Variants in TRIM5 observed in about 807,000 individuals in gnomAD.
The protein encoded by TRIM5 is tripartite motif containing 5.
A neutral mutation model predicts 35.6 loss-of-function variants in TRIM5; 31 were observed. The observed-to-expected ratio is 0.87, with a 90% CI of 0.65 to 1.18. TRIM5 has a LOEUF of 1.18. Among genes scored for constraint, TRIM5 ranks in the 50% most tolerant of loss-of-function variants. TRIM5 has a pLI of 0.00. For missense variants in TRIM5, 609 were observed against 591.6 expected (o/e 1.03, Z -0.31); for synonymous variants, 243 against 215.6 (o/e 1.13, Z -1.11).
the TRIM5 span, chr11:5,605,445 A>T: frequency 4.3e-5 from 70 of 1,614,018 alleles, no homozygotes; most frequent in Non-Finnish European, 5.3e-5. Context: ...ACAGGAAGAG[A>T]AGAAGGGGCT....
intron 2 of TRIM5, 56 bp downstream of exon 2, chr11:5,679,705 A>T: frequency 4.6e-6 from 7 of 1,508,242 alleles, no homozygotes; most frequent in Non-Finnish European, 6.2e-6. Context: ...GCAAAGTGAA[A>T]ATTTTCCATC....
In TRIM5 at chr11:5,665,363, A is replaced by G. The variant is rs757193703; in HGVS notation, c.928T>C (p.Cys310Arg). The G allele has an allele frequency of 1.2e-6, 2 of 1,612,818 alleles. No individual in the cohort carries two copies. Among genetic ancestry groups the G allele is most frequent in the South Asian group, 1.1e-5 (1 of 90,792 alleles). The change falls in exon 8 of 8, where the codon TGT (cysteine) becomes CGT (arginine). Residue 310 changes from cysteine (C) to arginine (R), a missense_variant. Cys to Arg is a radical substitution (Grantham distance 180, BLOSUM62 -3). Coordinates refer to ENST00000380034, the MANE Select transcript of TRIM5 (RefSeq NM_033034.3). ...CTCTTATCTTCAGAAATGACAGCAC[A>G]TGAAATGTTGTTTGGAGCCACTGTC... Reference protein sequence around the residue: ...DVTVAPNNISCAVISEDKRQV... With the variant: ...DVTVAPNNISRAVISEDKRQV...
intron 1 of TRIM5, among the ~76,000 whole-genome samples, chr11:5,682,203 A>C (rs1369611981): frequency 6.6e-6 from 1 of 152,172 alleles, no homozygotes; most frequent in Non-Finnish European, 1.5e-5. Flanking sequence ...TGGGAGTTCA[A>C]GACCAGCCTG....
the TRIM5 span, among the ~76,000 whole-genome samples, chr11:5,599,280 C>A: frequency 6.6e-6 from 1 of 152,184 alleles, no homozygotes; most frequent in East Asian, 1.9e-4. Flanking sequence ...GAATTGGGTA[C>A]GCTAAATACA....
chr11:5,652,093 G>A, the TRIM5 span, among the ~76,000 whole-genome samples: 2 of 152,144 alleles, frequency 1.3e-5, no homozygotes, highest in African/African-American at 4.8e-5. Flanking sequence ...CATTTTGTAG[G>A]TTGTGTATTT....
intron 1 of TRIM5, among the ~76,000 whole-genome samples, chr11:5,683,514 CTT>C (rs999786285): frequency 6.6e-6 from 1 of 151,728 alleles, no homozygotes; most frequent in Non-Finnish European, 1.5e-5. Context: ...CTTGGAGAAA[CTT>C]TATGTCTAGC....
the TRIM5 span, among the ~76,000 whole-genome samples, chr11:5,656,787 C>T: frequency 2.6e-5 from 4 of 152,046 alleles, no homozygotes; most frequent in Middle Eastern, 3.2e-3. Flanking sequence ...GTTAGAATGG[C>T]GATCATTAAA....
chr11:5,678,270 C>G lies in TRIM5; in HGVS notation c.678G>C (p.Gln226His). Residue 226 changes from glutamine to histidine, a missense_variant, in exon 4 of 8, where the codon CAG (glutamine) becomes CAC (histidine). By Grantham distance (24) the Gln-to-His change is conservative. Coordinates refer to ENST00000380034, the MANE Select transcript of TRIM5 (RefSeq NM_033034.3). ...NSETEMVQQTQSLRELISDLE... is the reference protein window; with the variant it reads ...NSETEMVQQTHSLRELISDLE... ...GATCTGAGATGAGCTCTCTCAGGGA[C>G]TGGGTCTGCTGCACCATCTCAGTTT... 1 of 1,614,102 alleles carries G rather than the reference C, an allele frequency of 6.2e-7. No homozygotes were observed.
At chr11:5,652,733 C>A in the TRIM5 span, among the ~76,000 whole-genome samples, 1 of 152,082 alleles carries the variant, frequency 6.6e-6, no homozygotes, top group African/African-American at 2.4e-5. Context: ...AGGAATAGCA[C>A]TGAATTTGTA....
intron 7 of TRIM5, 60 bp downstream of exon 7, chr11:5,665,596 A>T: frequency 1.3e-6 from 2 of 1,584,280 alleles, no homozygotes; most frequent in African/African-American, 2.7e-5. Context: ...ATTCTAAAAG[A>T]TAAAGATAAT....
chr11:5,683,471 T>C (rs1471245184), intron 1 of TRIM5, among the ~76,000 whole-genome samples: 2 of 152,004 alleles, frequency 1.3e-5, no homozygotes, highest in East Asian at 3.9e-4. Flanking sequence ...AATGCACCAA[T>C]CGACACTCTA....
At chr11:5,620,447 C>T in the TRIM5 span, among the ~76,000 whole-genome samples, 3 of 151,920 alleles carry the variant, frequency 2.0e-5, no homozygotes, top group African/African-American at 4.8e-5. Flanking sequence ...GTGATCCGCC[C>T]GCCTCAGCCT....
the TRIM5 span, among the ~76,000 whole-genome samples, chr11:5,613,200 A>G: frequency 6.6e-6 from 1 of 152,246 alleles, no homozygotes; most frequent in African/African-American, 2.4e-5. Context: ...GTAATGACAG[A>G]GAAAAGAAGA....
chr11:5,603,612 TG>T, the TRIM5 span: 6 of 1,613,544 alleles, frequency 3.7e-6, no homozygotes, highest in South Asian at 6.6e-5. Context: ...GTGCAGACCA[TG>T]GAGAAAAACT....
chr11:5,613,731 C>G, the TRIM5 span, among the ~76,000 whole-genome samples: 841 of 152,170 alleles, frequency 5.5e-3, 6 homozygotes, highest in Middle Eastern at 0.01. Context: ...AGTGAATTTA[C>G]TTTATAAGTA....
the TRIM5 span, among the ~76,000 whole-genome samples, chr11:5,624,289 GCA>G: frequency 1.1e-4 from 17 of 152,144 alleles, no homozygotes; most frequent in African/African-American, 3.6e-4. Context: ...CATTTACTGT[GCA>G]CAGTTTGATG....
chr11:5,664,948 G>T lies in TRIM5; in HGVS notation c.1343C>A (p.Thr448Asn). ...GTTTGTGATATTGAAGAATGAGACA[G>T]TGCAAGCCTCATAGTCTAGGAAAAC... ...VGVFLDYEAC[T>N]VSFFNITNHG... Residue 448 changes from threonine to asparagine, a missense_variant, in exon 8 of 8, where the codon ACT (threonine) becomes AAT (asparagine). Thr to Asn is a moderately conservative substitution (Grantham distance 65). Transcript: ENST00000380034. 6.2e-7 allele frequency: 1 copy of T among 1,614,016 alleles called. No individual in the cohort carries two copies. Among genetic ancestry groups the T allele is most frequent in the Non-Finnish European group, 8.5e-7 (1 of 1,179,996 alleles).
the TRIM5 span, among the ~76,000 whole-genome samples, chr11:5,602,296 A>G: frequency 6.6e-6 from 1 of 152,038 alleles, no homozygotes; most frequent in Admixed American, 6.6e-5. Context: ...AAAAAAAATT[A>G]GCCGGACATA....
the TRIM5 span, among the ~76,000 whole-genome samples, chr11:5,604,163 T>TGTGTGTGTGTGTGC: frequency 7.0e-6 from 1 of 142,600 alleles, no homozygotes; most frequent in Admixed American, 7.4e-5. Flanking sequence ...CCCAGCTAAT[T>TGTGTGTGTGTGTGC]GTGTGTGTGT....
Sources: allele counts gnomAD v4.1 joint callset (sites outside exome capture counted in the v4.1 genomes callset), GRCh38; gene constraint gnomAD v4.1.1; transcripts MANE v1.5; gene names NCBI Gene and HGNC (gene_info 2026-07-23, HGNC 2026-07-21).